The following CARMIL1 variants were observed in gnomAD, a reference collection of about 807,000 sequenced individuals.
CARMIL1 encodes the protein capping protein regulator and myosin 1 linker 1.
A neutral mutation model predicts 177.1 loss-of-function variants in CARMIL1; 90 were observed. The ratio of observed to expected loss-of-function variants is 0.51; its 90% CI spans 0.43 to 0.61. The LOEUF is 0.61. Among genes scored for constraint, CARMIL1 ranks in the 20% least tolerant of loss-of-function variants. The pLI, the probability that CARMIL1 is intolerant of heterozygous loss-of-function variation, is 0.00. For synonymous variants in CARMIL1, 577 were observed against 606.2 expected (o/e 0.95, Z 0.71); for missense variants, 1,380 against 1,667.0 (o/e 0.83, Z 3.00).
chr6:25,288,254 T>C (rs1177602510), intron 2 of CARMIL1, among the ~76,000 whole-genome samples: 1 of 152,152 alleles, frequency 6.6e-6, no homozygotes, highest in East Asian at 1.9e-4. Flanking sequence ...TAGAGAAACA[T>C]ACTAAGGTAC....
chr6:25,528,883 C>T lies in CARMIL1; in HGVS notation c.2057C>T (p.Thr686Ile). Reference sequence around the variant, plus strand: ...CTGCAGCAGGGTATTGTCACCAGCACCACCCAGCAGGTAAGCGAGCCAGTG... The same window carrying T: ...CTGCAGCAGGGTATTGTCACCAGCATCACCCAGCAGGTAAGCGAGCCAGTG... ...YRLQQGIVTSTTQQMIDRICV... is the reference protein window; with the variant it reads ...YRLQQGIVTSITQQMIDRICV... Residue 686 changes from threonine to isoleucine, a missense_variant, in exon 24 of 37, where the codon ACC becomes ATC. Physicochemically the swap from Thr to Ile is moderately conservative, Grantham distance 89. Coordinates refer to ENST00000329474, the MANE Select transcript of CARMIL1 (RefSeq NM_017640.6). 2 of 1,608,122 alleles carry T rather than the reference C, an allele frequency of 1.2e-6. No individual in the cohort carries two copies. Among genetic ancestry groups the T allele is most frequent in the Non-Finnish European group, 1.7e-6 (2 of 1,177,286 alleles).
intron 4 of CARMIL1, among the ~76,000 whole-genome samples, chr6:25,430,735 A>G (rs1360148352): frequency 6.6e-6 from 1 of 152,144 alleles, no homozygotes; most frequent in African/African-American, 2.4e-5. Flanking sequence ...CCAACCTGGG[A>G]AGGTTTTAAA....
chr6:25,576,799 A>G (rs577512652), intron 29 of CARMIL1, among the ~76,000 whole-genome samples: 99 of 152,326 alleles, frequency 6.5e-4, no homozygotes, highest in African/African-American at 2.4e-3. Context: ...GTCTTAAGCC[A>G]TTAATATGTT....
chr6:25,439,044 G>C (rs1464895650), intron 5 of CARMIL1, among the ~76,000 whole-genome samples: 1 of 152,014 alleles, frequency 6.6e-6, no homozygotes, highest in African/African-American at 2.4e-5. Context: ...TGATGGATTA[G>C]GTAAGTGTGG....
At chr6:25,568,305 A>G (rs1811743147) in intron 29 of CARMIL1, among the ~76,000 whole-genome samples, 2 of 152,254 alleles carry the variant, frequency 1.3e-5, no homozygotes, top group African/African-American at 4.8e-5. Context: ...ATTAATAGAA[A>G]TTAAAAAGGT....
At chr6:25,386,954 A>G (rs908394914) in intron 2 of CARMIL1, among the ~76,000 whole-genome samples, 5 of 151,860 alleles carry the variant, frequency 3.3e-5, no homozygotes, top group Non-Finnish European at 4.4e-5. Flanking sequence ...AACATGGTGA[A>G]ACCCCATCTC....
chr6:25,407,453 A>C (rs1050591083), intron 2 of CARMIL1, among the ~76,000 whole-genome samples: 1 of 152,142 alleles, frequency 6.6e-6, no homozygotes, highest in African/African-American at 2.4e-5. Context: ...GGGTGGGTAC[A>C]GCTGCAGATG....
chr6:25,468,088 TC>T (rs377475926), intron 9 of CARMIL1, among the ~76,000 whole-genome samples: 227 of 152,236 alleles, frequency 1.5e-3, no homozygotes, highest in African/African-American at 5.2e-3. Flanking sequence ...TTAAGATTGT[TC>T]CTAGTCCAAT....
At chr6:25,315,126 G>A (rs1273283262) in intron 2 of CARMIL1, among the ~76,000 whole-genome samples, 1 of 152,102 alleles carries the variant, frequency 6.6e-6, no homozygotes, top group African/African-American at 2.4e-5. Flanking sequence ...AGTGAAGGCA[G>A]TCTTTAGGTG....
At chr6:25,325,278 G>A (rs141613664) in intron 2 of CARMIL1, among the ~76,000 whole-genome samples, 2 of 152,176 alleles carry the variant, frequency 1.3e-5, no homozygotes, top group African/African-American at 4.8e-5. Flanking sequence ...AGGCAGAAGT[G>A]TATATTCTAT....
At chr6:25,546,636 C>T (rs371433333) in intron 26 of CARMIL1, among the ~76,000 whole-genome samples, 7 of 136,720 alleles carry the variant, frequency 5.1e-5, no homozygotes, top group South Asian at 2.3e-4. Context: ...GCCTGGGTGG[C>T]GGAATGAGAT....
intron 2 of CARMIL1, among the ~76,000 whole-genome samples, chr6:25,398,818 G>A (rs1793649030): frequency 6.6e-6 from 1 of 152,196 alleles, no homozygotes; most frequent in Non-Finnish European, 1.5e-5. Context: ...TTAGCAAGGA[G>A]AGGCTCACCT....
At chr6:25,309,095 C>G (rs912434341) in intron 2 of CARMIL1, among the ~76,000 whole-genome samples, 2 of 152,038 alleles carry the variant, frequency 1.3e-5, no homozygotes, top group African/African-American at 4.8e-5. Context: ...ACTATGTTGC[C>G]CAGGCTGGTC....
intron 12 of CARMIL1, among the ~76,000 whole-genome samples, chr6:25,483,155 T>A (rs965342163): frequency 6.6e-6 from 1 of 152,166 alleles, no homozygotes; most frequent in Non-Finnish European, 1.5e-5. Flanking sequence ...ACACTGGGGC[T>A]CTCCTTGTGG....
intron 2 of CARMIL1, among the ~76,000 whole-genome samples, chr6:25,358,028 C>T (rs978310919): frequency 6.6e-5 from 10 of 152,030 alleles, no homozygotes; most frequent in Non-Finnish European, 8.8e-5. Context: ...TGGTTTTGTC[C>T]GTATAAGGAG....
intron 33 of CARMIL1, among the ~76,000 whole-genome samples, chr6:25,602,474 A>G (rs3804113): frequency 0.4 from 61,464 of 152,074 alleles, 12,783 homozygotes; most frequent in Non-Finnish European, 0.46. Context: ...TGTTTTATTC[A>G]TGTACTTTGG....
At chr6:25,388,554 C>T (rs1001306644) in intron 2 of CARMIL1, among the ~76,000 whole-genome samples, 2 of 152,010 alleles carry the variant, frequency 1.3e-5, no homozygotes, top group East Asian at 1.9e-4. Flanking sequence ...TTAGTAGAGA[C>T]GGGGTTTCAC....
At chr6:25,426,072 A>C (rs1796253877) in intron 3 of CARMIL1, among the ~76,000 whole-genome samples, 1 of 152,176 alleles carries the variant, frequency 6.6e-6, no homozygotes, top group Admixed American at 6.5e-5. Context: ...AAGTGTTTAG[A>C]TGGTTCCTTC....
chr6:25,328,365 G>A (rs1010446749), intron 2 of CARMIL1, among the ~76,000 whole-genome samples: 2 of 151,866 alleles, frequency 1.3e-5, no homozygotes, highest in Non-Finnish European at 2.9e-5. Flanking sequence ...CTCAGTGTAG[G>A]GCTTGGTCCG....
Sources: allele counts gnomAD v4.1 joint callset (sites outside exome capture counted in the v4.1 genomes callset), GRCh38; gene constraint gnomAD v4.1.1; transcripts MANE v1.5; gene names NCBI Gene and HGNC (gene_info 2026-07-23, HGNC 2026-07-21).